Variants in SLAIN1 observed in about 807,000 individuals in gnomAD.
SLAIN1 encodes the protein SLAIN family member 1.
In SLAIN1, 17 loss-of-function variants were observed where a neutral mutation model predicts 55.4. The observed-to-expected ratio is 0.31, with a 90% CI of 0.21 to 0.46. The LOEUF is 0.46. Ranked by LOEUF, SLAIN1 falls within the 20% of genes least tolerant of loss-of-function variation. SLAIN1 has a pLI of 1.00. For synonymous variants in SLAIN1, 348 were observed against 337.4 expected (o/e 1.03, Z -0.35); for missense variants, 682 against 785.1 (o/e 0.87, Z 1.57).
At position 77,763,654 on chromosome 13, in the gene SLAIN1, T is replaced by C. The variant is rs55781153; in HGVS notation, c.*434T>C. On this transcript the variant is annotated 3_prime_UTR_variant, in exon 7 of 7. Coordinates refer to ENST00000418532, the MANE Select transcript of SLAIN1 (RefSeq NM_001242868.2). The stretch of plus-strand genomic sequence containing the variant: ...GGTTCTATAATGTATGCTTTGAAAT[T>C]TACTTTTTTATAGTTTACAGGAATT... 2.2e-4 allele frequency: 34 copies of C among 154,626 alleles called. No individual in the cohort carries two copies. Among genetic ancestry groups the C allele is most frequent in the Non-Finnish European group, 3.3e-4 (23 of 69,322 alleles). The allele number at this position is 154,626 out of a possible 1,614,324, so 9.6% of individuals were successfully genotyped here. A position where few individuals can be genotyped will look rare whatever the true frequency, so the allele number is the denominator to read the frequency against.
chr13:77,738,668 G>A (rs1165105664), intron 2 of SLAIN1, among the ~76,000 whole-genome samples: 1 of 152,096 alleles, frequency 6.6e-6, no homozygotes, highest in Non-Finnish European at 1.5e-5. Flanking sequence ...TGAACAGTGA[G>A]AAGATATGGA....
intron 1 of SLAIN1, among the ~76,000 whole-genome samples, chr13:77,717,636 T>C (rs1188375474): frequency 6.6e-6 from 1 of 152,134 alleles, no homozygotes; most frequent in African/African-American, 2.4e-5. Context: ...TTTCTCTCAG[T>C]TTCTGTTGGC....
chr13:77,739,415 C>T (rs9318496), intron 2 of SLAIN1, among the ~76,000 whole-genome samples: 28,871 of 151,882 alleles, frequency 0.19, 2,839 homozygotes, highest in African/African-American at 0.21. Context: ...ATATTAGGTA[C>T]TGAAATGACT....
At chr13:77,746,458 A>G in intron 3 of SLAIN1, 56 bp from the exon 4 acceptor site, 1 of 1,422,726 alleles carries the variant, frequency 7.0e-7, no homozygotes, top group Non-Finnish European at 9.5e-7. Flanking sequence ...TTGGTTAATT[A>G]TAACTAAATG....
intron 1 of SLAIN1, among the ~76,000 whole-genome samples, chr13:77,718,297 A>G (rs1265004957): frequency 6.6e-6 from 1 of 152,140 alleles, no homozygotes. Context: ...GGGAAATTCA[A>G]CTTTCAATGT....
At chr13:77,728,292 G>A (rs1368029444) in intron 2 of SLAIN1, among the ~76,000 whole-genome samples, 2 of 152,140 alleles carry the variant, frequency 1.3e-5, no homozygotes, top group Admixed American at 1.3e-4. Context: ...TCACGCATGA[G>A]GCTGGGATGT....
intron 5 of SLAIN1, among the ~76,000 whole-genome samples, chr13:77,755,773 G>C (rs917832232): frequency 2.0e-5 from 3 of 152,178 alleles, no homozygotes; most frequent in African/African-American, 7.2e-5. Context: ...TCATTTCTAA[G>C]TCAAGCATAA....
intron 1 of SLAIN1, among the ~76,000 whole-genome samples, chr13:77,703,906 C>T (rs1415824538): frequency 2.2e-4 from 18 of 81,302 alleles, no homozygotes; most frequent in South Asian, 1.4e-3. Context: ...TATATATATA[C>T]ACACACACAT....
At chr13:77,742,979 T>C (rs1371031993) in intron 2 of SLAIN1, 4 of 1,243,848 alleles carry the variant, frequency 3.2e-6, no homozygotes, top group Non-Finnish European at 4.2e-6. Flanking sequence ...TATGCTTCCA[T>C]ATAGCTAACT....
chr13:77,724,234 G>T (rs1189853838), intron 2 of SLAIN1, among the ~76,000 whole-genome samples: 1 of 152,158 alleles, frequency 6.6e-6, no homozygotes. Flanking sequence ...GTGGGGAGCT[G>T]GAGGGTTTAG....
At chr13:77,753,961 T>C (rs1234461869) in intron 5 of SLAIN1, among the ~76,000 whole-genome samples, 5 of 152,222 alleles carry the variant, frequency 3.3e-5, no homozygotes, top group Admixed American at 6.5e-5. Context: ...GTGACACAGT[T>C]AGCATTAGGC....
intron 2 of SLAIN1, chr13:77,742,686 A>G (rs997410678): frequency 1.3e-5 from 2 of 152,280 alleles, no homozygotes; most frequent in African/African-American, 4.8e-5. Context: ...TATATTGCAA[A>G]ACACTAAATC....
intron 2 of SLAIN1, 36 bp from the exon 3 acceptor site, chr13:77,744,247 G>A: frequency 7.0e-7 from 1 of 1,424,360 alleles, no homozygotes; most frequent in Non-Finnish European, 9.9e-7. Flanking sequence ...TATCAGTCCT[G>A]CAGATGGAAG....
intron 1 of SLAIN1, among the ~76,000 whole-genome samples, chr13:77,710,116 G>A (rs188632125): frequency 2.9e-4 from 44 of 152,242 alleles, no homozygotes; most frequent in Admixed American, 2.0e-3. Context: ...ACCAGCCACT[G>A]CAAAAACATA....
intron 3 of SLAIN1, among the ~76,000 whole-genome samples, chr13:77,745,973 T>G (rs949010600): frequency 2.6e-5 from 4 of 152,084 alleles, no homozygotes; most frequent in African/African-American, 7.2e-5. Context: ...AGTATTGAGG[T>G]GTCAGTGTGC....
chr13:77,698,389 C>A lies in SLAIN1; in HGVS notation c.476C>A (p.Ala159Glu). Residue 159 changes from alanine to glutamate, a missense_variant, in exon 1 of 7, where the codon GCG becomes GAG. By Grantham distance (107) the Ala-to-Glu change is moderately radical. Around this residue, in one of 3 missense-constraint regions of SLAIN1, gnomAD observed 401 missense variants for 417.3 expected, o/e 0.96. Transcript: ENST00000418532. This position sits in a 1 kb window ranked among gnomAD's most constrained non-coding sequence, Gnocchi z 4.1. The stretch of plus-strand genomic sequence containing the variant: ...AAGCCGGCAGCAGGCTTCTTCGGCG[C>A]GGGCGGTGGCGGGCCGGAGCCGGGG... ...YFKPAAGFFG[A>E]GGGGPEPGGA... is the part of the protein sequence containing the mutation. 1 of 1,411,808 alleles carries A rather than the reference C, an allele frequency of 7.1e-7. No individual in the cohort carries two copies. The highest frequency in any genetic ancestry group is 3.1e-5 in the East Asian group (1 of 31,884). 87.5% of individuals were successfully genotyped at this position (1,411,808 alleles called of 1,614,324 possible).
intron 5 of SLAIN1, among the ~76,000 whole-genome samples, chr13:77,758,903 A>C (rs913889278): frequency 1.3e-5 from 2 of 152,070 alleles, no homozygotes; most frequent in South Asian, 2.1e-4. Flanking sequence ...TGCTTTGGCT[A>C]TGTGGGCCGT....
At chr13:77,740,217 A>T (rs1202781803) in intron 2 of SLAIN1, among the ~76,000 whole-genome samples, 1 of 152,092 alleles carries the variant, frequency 6.6e-6, no homozygotes, top group Non-Finnish European at 1.5e-5. Context: ...TAACACAGTT[A>T]AAATACATGA....
chr13:77,711,719 A>C (rs1189664633), intron 1 of SLAIN1, among the ~76,000 whole-genome samples: 1 of 152,206 alleles, frequency 6.6e-6, no homozygotes, highest in African/African-American at 2.4e-5. Context: ...TCCCTAACTC[A>C]TTTTATGAGA....
Sources: gnomAD v4.1 joint callset for allele counts (sites outside exome capture counted in the v4.1 genomes callset) on GRCh38, gnomAD v4.1.1 for gene constraint, gnomAD v4.1.1 regional missense constraint, Gnocchi (gnomAD v3.1) non-coding constraint, MANE v1.5 for transcripts, NCBI Gene and HGNC (gene_info 2026-07-23, HGNC 2026-07-21) for gene names.